Variants in FSTL4 observed in about 807,000 individuals in gnomAD.
FSTL4 encodes the protein follistatin like 4, also known as follistatin-related protein 4.
Under a neutral mutation model 78.2 loss-of-function variants are expected in FSTL4, and 28 were observed. The ratio of observed to expected loss-of-function variants is 0.36; its 90% CI spans 0.27 to 0.49. The LOEUF (loss-of-function observed/expected upper bound fraction) is 0.49. Ranked by LOEUF, FSTL4 falls within the 20% of genes least tolerant of loss-of-function variation. FSTL4 has a pLI of 0.98. For synonymous variants in FSTL4, 422 were observed against 440.5 expected (o/e 0.96, Z 0.53); for missense variants, 922 against 1,084.9 (o/e 0.85, Z 2.11).
At chr5:133,344,851 G>A (rs968049350) in intron 4 of FSTL4, among the ~76,000 whole-genome samples, 1 of 152,116 alleles carries the variant, frequency 6.6e-6, no homozygotes, top group Non-Finnish European at 1.5e-5. Context: ...AAGTCCTGCC[G>A]GGGTTTTGTT....
At chr5:133,340,749 G>C (rs1754562012) in intron 4 of FSTL4, among the ~76,000 whole-genome samples, 1 of 152,166 alleles carries the variant, frequency 6.6e-6, no homozygotes. Flanking sequence ...ATTTGATTAA[G>C]TGTCCTCATA....
chr5:133,812,706 G>A, the FSTL4 span, among the ~76,000 whole-genome samples: 1 of 152,090 alleles, frequency 6.6e-6, no homozygotes, highest in South Asian at 2.1e-4. Context: ...CTGCCTAAAG[G>A]CATCTTGTTC....
In FSTL4 at chr5:133,604,405, T is replaced by C. The variant is rs904237774; in HGVS notation, c.-10-412A>G. On this transcript the variant is annotated intron_variant, in intron 1 of 15. Transcript: ENST00000265342. ...CATTTGGGGCTAGGCACACAATTAG[T>C]GCTCGAGAAACTATGATTATGGCTG... Among the ~76,000 whole-genome samples the C allele has an allele frequency of 2.0e-5, 3 of 152,262 alleles. No homozygotes were observed. In the South Asian group the frequency reaches 6.2e-4, roughly 32 times the overall value.
intron 3 of FSTL4, among the ~76,000 whole-genome samples, chr5:133,543,610 C>T (rs1251527682): frequency 6.6e-6 from 1 of 152,106 alleles, no homozygotes; most frequent in African/African-American, 2.4e-5. Context: ...CTATACCAGG[C>T]TCTTTCTGCT....
At chr5:133,382,908 A>G (rs1755608129) in intron 4 of FSTL4, among the ~76,000 whole-genome samples, 1 of 151,996 alleles carries the variant, frequency 6.6e-6, no homozygotes, top group South Asian at 2.1e-4. Flanking sequence ...ACAGGGAAAG[A>G]AAGAGGGCAC....
chr5:133,597,691 G>C (rs1470049756), intron 2 of FSTL4, among the ~76,000 whole-genome samples: 1 of 152,192 alleles, frequency 6.6e-6, no homozygotes, highest in Non-Finnish European at 1.5e-5. Flanking sequence ...GCTGGGAGCA[G>C]TGGAGAGGAC....
In FSTL4 at chr5:133,225,755, T is replaced by C. The variant is rs373489833; in HGVS notation, c.1080A>G (p.Leu360=). 24 of 1,611,228 alleles carry C rather than the reference T, an allele frequency of 1.5e-5. No homozygotes were observed. Among genetic ancestry groups the C allele is most frequent in the South Asian group, 2.2e-5 (2 of 90,660 alleles). The stretch of plus-strand genomic sequence containing the variant: ...TGGGAATGCCCTCAGCATGGCATCT[T>C]AGGCTGGCTGCCACTCCAGGCTCCT... ...QAQEPGVAAS[L]RCHAEGIPMP... The change falls in exon 9 of 16, where the codon CTA becomes CTG. Residue 360 remains leucine (L), a synonymous_variant. Transcript: ENST00000265342. This position sits in a 1 kb window ranked among gnomAD's most constrained non-coding sequence, Gnocchi z 4.6.
chr5:133,648,123 T>C, the FSTL4 span, among the ~76,000 whole-genome samples: 1 of 152,176 alleles, frequency 6.6e-6, no homozygotes, highest in South Asian at 2.1e-4. Context: ...AAACCTCTTT[T>C]TCTTCCCAGT....
intron 6 of FSTL4, among the ~76,000 whole-genome samples, chr5:133,277,410 C>T (rs1229135881): frequency 6.6e-6 from 1 of 152,052 alleles, no homozygotes; most frequent in East Asian, 1.9e-4. Context: ...GTCTGAGGTG[C>T]TGGCGGCACT....
the FSTL4 span, among the ~76,000 whole-genome samples, chr5:133,701,956 C>T: frequency 6.6e-6 from 1 of 152,066 alleles, no homozygotes; most frequent in Admixed American, 6.6e-5. Context: ...GTCCTGGCGC[C>T]CAGGAAATCC....
the FSTL4 span, among the ~76,000 whole-genome samples, chr5:133,807,931 C>T: frequency 0.13 from 20,392 of 152,142 alleles, 1,672 homozygotes; most frequent in African/African-American, 0.23. Context: ...AGACTTCCTG[C>T]GCTCAGCTTC....
In FSTL4 at chr5:133,210,730, A is replaced by C. The variant is rs1184868336; in HGVS notation, c.1609-432T>G. The stretch of plus-strand genomic sequence containing the variant: ...GGTCTCAAACTCCCGACCTCAGGTG[A>C]TCCGCCCACCTCAGCCTCCCAAAGT... On this transcript the variant is annotated intron_variant, in intron 13 of 15. Coordinates refer to ENST00000265342, the MANE Select transcript of FSTL4 (RefSeq NM_015082.2). 6 of 152,780 alleles carry C rather than the reference A, an allele frequency of 3.9e-5. No individual in the cohort carries two copies. The East Asian group carries it at 9.6e-4, about 25-fold the overall frequency. The allele number at this position is 152,780 out of a possible 1,614,324, so 9.5% of individuals were successfully genotyped here.
chr5:133,681,365 G>C, the FSTL4 span, among the ~76,000 whole-genome samples: 1 of 152,190 alleles, frequency 6.6e-6, no homozygotes, highest in Admixed American at 6.5e-5. Flanking sequence ...GGATTGGAGG[G>C]GACTGCAACA....
At chr5:133,499,994 A>G (rs910989613) in intron 3 of FSTL4, among the ~76,000 whole-genome samples, 7 of 152,126 alleles carry the variant, frequency 4.6e-5, no homozygotes, top group Admixed American at 2.6e-4. Context: ...ATCACCTCTC[A>G]TGGGCCAGGA....
chr5:133,405,815 C>T (rs773455785), intron 3 of FSTL4, among the ~76,000 whole-genome samples: 2 of 152,214 alleles, frequency 1.3e-5, no homozygotes, highest in Non-Finnish European at 2.9e-5. Context: ...AGAGGCCCGA[C>T]GCTCCAGTCC....
At chr5:133,532,810 C>A (rs922222494) in intron 3 of FSTL4, among the ~76,000 whole-genome samples, 1 of 152,156 alleles carries the variant, frequency 6.6e-6, no homozygotes, top group East Asian at 1.9e-4. Context: ...ATGGGCTGGC[C>A]AGCCAGAGTC....
intron 3 of FSTL4, among the ~76,000 whole-genome samples, chr5:133,401,930 A>C (rs998949616): frequency 6.6e-6 from 1 of 152,090 alleles, no homozygotes; most frequent in South Asian, 2.1e-4. Flanking sequence ...TAGGTACACT[A>C]CTGTAGGCAC....
the FSTL4 span, among the ~76,000 whole-genome samples, chr5:133,707,362 A>G: frequency 3.5e-4 from 54 of 152,358 alleles, no homozygotes; most frequent in African/African-American, 1.2e-3. Context: ...GGAGCCTGCC[A>G]GCAGTGGCTG....
intron 2 of FSTL4, among the ~76,000 whole-genome samples, chr5:133,578,741 G>T (rs566073758): frequency 6.6e-6 from 1 of 152,252 alleles, no homozygotes; most frequent in South Asian, 2.1e-4. Context: ...ACAGTCTTTG[G>T]TAGCAAATCC....
Sources: allele counts gnomAD v4.1 joint callset (sites outside exome capture counted in the v4.1 genomes callset), GRCh38; gene constraint gnomAD v4.1.1; non-coding constraint Gnocchi (gnomAD v3.1); transcripts MANE v1.5; gene names NCBI Gene and HGNC (gene_info 2026-07-23, HGNC 2026-07-21).